The following HLTF variants were observed in gnomAD, a reference collection of about 807,000 sequenced individuals.
HLTF encodes the protein DNA-dependent ATPase/E3 ubiquitin-protein ligase HLTF.
HLTF carries 127 observed loss-of-function variants against 129.4 expected under a neutral mutation model. That is an observed-to-expected ratio of 0.98 (90% CI 0.85 to 1.14). The LOEUF (loss-of-function observed/expected upper bound fraction) is 1.14, where lower values mean the gene tolerates loss of function less well. Among genes scored for constraint, HLTF ranks in the 50% most tolerant of loss-of-function variants. The pLI is 0.00. For synonymous variants in HLTF, 332 were observed against 388.8 expected, an observed-to-expected ratio of 0.85 and a Z score of 1.72; for missense variants, 1,139 against 1,187.1, an observed-to-expected ratio of 0.96 and a Z score of 0.60.
At chr3:149,074,803 T>C (rs184050155) in intron 3 of HLTF, among the ~76,000 whole-genome samples, 2 of 152,270 alleles carry the variant, frequency 1.3e-5, no homozygotes, top group Non-Finnish European at 2.9e-5. Flanking sequence ...ATTATGAGCA[T>C]TTATTTTCTC....
intron 14 of HLTF, among the ~76,000 whole-genome samples, chr3:149,055,082 A>G (rs1415801742): frequency 6.6e-6 from 1 of 152,202 alleles, no homozygotes; most frequent in East Asian, 1.9e-4. Context: ...TATGTTAGCA[A>G]TTGATTATGT....
At position 149,071,618 on chromosome 3, in the gene HLTF, C is replaced by T. The variant is rs770061207; in HGVS notation, c.667G>A (p.Glu223Lys). ...EFDKLFEDLKEDDKTHEMEPA... is the reference protein window; with the variant it reads ...EFDKLFEDLKKDDKTHEMEPA... ...TCCATTTCATGGGTTTTATCATCTT[C>T]TTTTAAATCTTCAAACAATTTGTCA... is the stretch of plus-strand genomic sequence containing the variant. Residue 223 changes from glutamate (E) to lysine (K), a missense_variant, in exon 6 of 25, where the codon GAA (glutamate) becomes AAA (lysine). Transcript: ENST00000310053. The T allele has an allele frequency of 1.3e-6, 2 of 1,596,910 alleles. No homozygotes were observed. Among genetic ancestry groups the T allele is most frequent in the Admixed American group, 3.4e-5 (2 of 59,214 alleles).
intron 3 of HLTF, 27 bp downstream of exon 3, chr3:149,075,854 T>C: frequency 6.5e-7 from 1 of 1,538,892 alleles, no homozygotes; most frequent in East Asian, 2.3e-5. Flanking sequence ...TCACAATTAT[T>C]AAAACTAAAT....
chr3:149,060,654 C>A lies in HLTF; in HGVS notation c.1274G>T (p.Gly425Val). The A allele has an allele frequency of 6.2e-7, 1 of 1,612,528 alleles. No individual in the cohort carries two copies. Among genetic ancestry groups the A allele is most frequent in the Non-Finnish European group, 8.5e-7 (1 of 1,178,962 alleles). ...TAGTATACACATACCTTTCGCCCTGCCTTTAGTTTCAGACTGTACATTTTT... is the reference window on the plus strand; with the variant it reads ...TAGTATACACATACCTTTCGCCCTGACTTTAGTTTCAGACTGTACATTTTT... ...KLKNVQSETKGRAKAGSSKVI... is the reference protein window; with the variant it reads ...KLKNVQSETKVRAKAGSSKVI... Residue 425 changes from glycine (G) to valine (V), a missense_variant, in exon 12 of 25, where the codon GGC becomes GTC. Gly to Val is a moderately radical substitution (Grantham distance 109). Transcript: ENST00000310053.
rs149071512 is a variant in HLTF, at chr3:149,067,714, A to C, written c.990+526T>G. On this transcript the variant is annotated intron_variant, in intron 8 of 24. Transcript: ENST00000310053. ...AAAAAAATAATAATAATAAAAAAAA[A>C]CCTGTATTTTCTTTGGAAAAAATGA... is the stretch of plus-strand genomic sequence containing the variant. Among the ~76,000 whole-genome samples, 996 of 152,238 alleles carry C rather than the reference A, an allele frequency of 6.5e-3. 10 individuals are homozygous for C. Among genetic ancestry groups the C allele is most frequent in the Non-Finnish European group, 9.4e-3 (638 of 68,014 alleles).
intron 10 of HLTF, chr3:149,063,072 T>C (rs772882145): frequency 2.2e-6 from 1 of 457,630 alleles, no homozygotes; most frequent in Non-Finnish European, 4.4e-6. Context: ...TTTTTCTTTT[T>C]TTTTTGAGAC....
Position 149,074,203 on chromosome 3 carries a change from C to A in HLTF, c.529+12G>T, listed in dbSNP as rs202070384. The A allele has an allele frequency of 3.4e-5, 54 of 1,607,778 alleles. No individual in the cohort carries two copies. Among genetic ancestry groups the A allele is most frequent in the African/African-American group, 2.7e-5 (2 of 74,510 alleles). ...AATATCAGAATAATATTAAGTGAAACCCTAAACTTACTTTTTGGTGCAGGA... is the reference window on the plus strand; with the variant it reads ...AATATCAGAATAATATTAAGTGAAAACCTAAACTTACTTTTTGGTGCAGGA... On this transcript the variant is annotated intron_variant, in intron 4 of 24. Coordinates refer to ENST00000310053, the MANE Select transcript of HLTF (RefSeq NM_003071.4).
rs187581038 is a variant in HLTF at position 149,030,409 on chromosome 3, T to C, written c.*1811A>G. 6.6e-6 allele frequency: 1 copy of C among 152,066 alleles called. No individual in the cohort carries two copies. Among genetic ancestry groups the C allele is most frequent in the Admixed American group, 6.5e-5 (1 of 15,292 alleles). 9.4% of individuals were successfully genotyped at this position (152,066 alleles called of 1,614,324 possible). ...AACAAAGAGACATTTTTTAAACAACTTGCCAAACTTACTTATGAGTGTGTT... is the reference window on the plus strand; with the variant it reads ...AACAAAGAGACATTTTTTAAACAACCTGCCAAACTTACTTATGAGTGTGTT... On this transcript the variant is annotated 3_prime_UTR_variant, in exon 25 of 25. Transcript: ENST00000310053.
intron 8 of HLTF, among the ~76,000 whole-genome samples, chr3:149,066,740 T>C (rs995424833): frequency 6.6e-6 from 1 of 152,206 alleles, no homozygotes. Context: ...AGTAGTCTTA[T>C]GTGCTTCTAT....
At chr3:149,071,735 C>A in intron 5 of HLTF, 78 bp from the exon 6 acceptor site, 1 of 939,704 alleles carries the variant, frequency 1.1e-6, no homozygotes, top group South Asian at 1.5e-5. Flanking sequence ...GATTTGAAAT[C>A]ATTTAATTAA....
chr3:149,055,409 A>C lies in HLTF; in HGVS notation c.1376-9T>G. ...CTCCACTGCACAAGCTCCTAAAAAA[A>C]TGAACCACTGATAGAACCTTTAGCT... is the stretch of plus-strand genomic sequence containing the variant. On this transcript the variant is annotated splice_polypyrimidine_tract_variant and intron_variant, in intron 13 of 24. Transcript: ENST00000310053. The C allele has an allele frequency of 6.3e-7, 1 of 1,590,098 alleles. No individual in the cohort carries two copies. The highest frequency in any genetic ancestry group is 1.1e-5 in the South Asian group (1 of 90,486).
chr3:149,037,478 A>G (rs1715750145), intron 23 of HLTF, among the ~76,000 whole-genome samples: 1 of 151,560 alleles, frequency 6.6e-6, no homozygotes, highest in Non-Finnish European at 1.5e-5. Context: ...AAAAAAAAAA[A>G]AAAAAGAAAA....
chr3:149,039,656 TTTC>T lies in HLTF; in HGVS notation c.2537_2539del (p.Arg846del). The T allele has an allele frequency of 1.2e-6, 2 of 1,608,194 alleles. No individual in the cohort carries two copies. Among genetic ancestry groups the T allele is most frequent in the Non-Finnish European group, 1.7e-6 (2 of 1,177,186 alleles). On this transcript the variant is annotated inframe_deletion, in exon 22 of 25. Transcript: ENST00000310053. Reference sequence around the variant, plus strand: ...CAAACTTTTTATGTTGGGATTCTTCTTTCTTAAGTCAGTCAATGCGTGCATTAG... The same window carrying T: ...CAAACTTTTTATGTTGGGATTCTTCTTTAAGTCAGTCAATGCGTGCATTAG...
At chr3:149,055,874 A>T (rs1039340562) in intron 13 of HLTF, among the ~76,000 whole-genome samples, 9 of 152,234 alleles carry the variant, frequency 5.9e-5, no homozygotes, top group African/African-American at 2.2e-4. Context: ...TAGATTACAA[A>T]AGAAGTTTCC....
chr3:149,071,281 C>A lies in HLTF; in HGVS notation c.865G>T (p.Gly289Ter), dbSNP rs1476848956. Reference sequence around the variant, plus strand: ...CCCATATCATCAGCTAAAATTCCTCCATGGACATTTTCTGGTCGGTCCTTC... The same window carrying A: ...CCCATATCATCAGCTAAAATTCCTCAATGGACATTTTCTGGTCGGTCCTTC... ...SEKDRPENVH[G>*]GILADDMGLG... Residue 289 changes from glycine (G) to a stop codon, truncating the protein, a stop_gained, in exon 7 of 25, where the codon GGA becomes TGA. Transcript: ENST00000310053. LOFTEE classifies it high-confidence loss of function. 1.3e-6 allele frequency: 2 copies of A among 1,594,816 alleles called. No individual in the cohort carries two copies. The highest frequency in any genetic ancestry group is 2.3e-5 in the South Asian group (2 of 86,954).
At position 149,086,445 on chromosome 3, in the gene HLTF, T is replaced by G; in HGVS notation, c.-109A>C. 1 of 1,329,546 alleles carries G rather than the reference T, an allele frequency of 7.5e-7. No homozygotes were observed. Among genetic ancestry groups the G allele is most frequent in the Non-Finnish European group, 1.0e-6 (1 of 954,264 alleles). The allele number at this position is 1,329,546 out of a possible 1,614,324, so 82.4% of individuals were successfully genotyped here. A position where few individuals can be genotyped will look rare whatever the true frequency, so the allele number is the denominator to read the frequency against. Reference sequence around the variant, plus strand: ...CGCAGCCCTGAAGCCGGGGACAAATTCCGAGCGCCGGATCAGGAGCGCACG... The same window carrying G: ...CGCAGCCCTGAAGCCGGGGACAAATGCCGAGCGCCGGATCAGGAGCGCACG... On this transcript the variant is annotated 5_prime_UTR_variant, in exon 1 of 25. Transcript: ENST00000310053.
chr3:149,065,315 G>C (rs1361882329), intron 8 of HLTF, among the ~76,000 whole-genome samples: 1 of 152,118 alleles, frequency 6.6e-6, no homozygotes, highest in East Asian at 1.9e-4. Context: ...ATATATAATA[G>C]TACAGGTCCC....
At chr3:149,079,836 T>C (rs6796555) in intron 2 of HLTF, among the ~76,000 whole-genome samples, 67,731 of 151,882 alleles carry the variant, frequency 0.45, 16,673 homozygotes, top group African/African-American at 0.68. Context: ...CGTGATCCAC[T>C]CACCTTGGCC....
chr3:149,061,360 G>T (rs1444732693), intron 10 of HLTF, among the ~76,000 whole-genome samples: 1 of 151,732 alleles, frequency 6.6e-6, no homozygotes, highest in African/African-American at 2.4e-5. Flanking sequence ...CCAGTGAGCG[G>T]AGATTGCGCC....
Sources: gnomAD v4.1 joint callset for allele counts (sites outside exome capture counted in the v4.1 genomes callset) on GRCh38, gnomAD v4.1.1 for gene constraint, MANE v1.5 for transcripts, NCBI Gene and HGNC (gene_info 2026-07-23, HGNC 2026-07-21) for gene names.